ADAMTS6: variants seen among roughly 807,000 people sequenced by gnomAD.
ADAMTS6 encodes the protein A disintegrin and metalloproteinase with thrombospondin motifs 6.
ADAMTS6 carries 23 observed loss-of-function variants against 144.3 expected under a neutral mutation model. The ratio of observed to expected loss-of-function variants is 0.16; its 90% CI spans 0.11 to 0.23. ADAMTS6 has a LOEUF of 0.23. Ranked by LOEUF, ADAMTS6 falls within the 10% of genes least tolerant of loss-of-function variation. The probability of loss-of-function intolerance (pLI) is 1.00; values close to 1 mark genes in which losing one functional copy is unlikely to be tolerated. For missense variants in ADAMTS6, 999 were observed against 1,379.6 expected, an observed-to-expected ratio of 0.72 and a Z score of 4.37; for synonymous variants, 444 against 457.5, an observed-to-expected ratio of 0.97 and a Z score of 0.38.
At chr5:65,430,295 C>A (rs191329002) in intron 7 of ADAMTS6, among the ~76,000 whole-genome samples, 2 of 152,130 alleles carry the variant, frequency 1.3e-5, no homozygotes, top group East Asian at 3.9e-4. Flanking sequence ...GACAACTGCT[C>A]TCTCTCCCAG....
chr5:65,162,917 G>A (rs190122489), intron 24 of ADAMTS6, among the ~76,000 whole-genome samples: 7 of 152,096 alleles, frequency 4.6e-5, no homozygotes, highest in Non-Finnish European at 8.8e-5. Flanking sequence ...TTGTTTTGGG[G>A]GGGTTTTTCT....
chr5:65,292,080 A>G (rs1742370131), intron 10 of ADAMTS6, among the ~76,000 whole-genome samples: 1 of 152,158 alleles, frequency 6.6e-6, no homozygotes. Flanking sequence ...GAATTGGAAA[A>G]GAGAATGTTC....
rs1752091834 is a variant in ADAMTS6 at position 65,150,439 on chromosome 5, G to A, written c.*1397C>T. On this transcript the variant is annotated 3_prime_UTR_variant, in exon 25 of 25. Transcript: ENST00000381055. ...AAACTTGAAGATGGGGAAAATACGA[G>A]CTAGTCATTTTAATTTAGGTGGATG... is the stretch of plus-strand genomic sequence containing the variant. 1 of 152,578 alleles carries A rather than the reference G, an allele frequency of 6.6e-6. No individual in the cohort carries two copies. The highest frequency in any genetic ancestry group is 1.5e-5 in the Non-Finnish European group (1 of 68,038). 9.5% of individuals were successfully genotyped at this position (152,578 alleles called of 1,614,324 possible).
At chr5:65,300,853 G>A (rs1196131895) in intron 9 of ADAMTS6, among the ~76,000 whole-genome samples, 3 of 151,924 alleles carry the variant, frequency 2.0e-5, no homozygotes, top group African/African-American at 4.8e-5. Flanking sequence ...GGATGGTCTC[G>A]ATCTCCTGAC....
chr5:65,286,982 T>TA (rs1741731984), intron 11 of ADAMTS6, among the ~76,000 whole-genome samples: 1 of 152,192 alleles, frequency 6.6e-6, no homozygotes, highest in South Asian at 2.1e-4. Flanking sequence ...CTTATTACTC[T>TA]AAAAAGCCAA....
chr5:65,365,108 C>T (rs74619653), intron 7 of ADAMTS6, among the ~76,000 whole-genome samples: 2,472 of 152,130 alleles, frequency 0.016, 35 homozygotes, highest in East Asian at 0.083. Context: ...ATGTCATCCA[C>T]GGTAAACAGT....
intron 12 of ADAMTS6, among the ~76,000 whole-genome samples, chr5:65,271,315 G>T (rs1232473558): frequency 6.7e-6 from 1 of 148,640 alleles, no homozygotes; most frequent in Non-Finnish European, 1.5e-5. Flanking sequence ...GGAGGTGAAG[G>T]TTGCAGTGAG....
intron 7 of ADAMTS6, among the ~76,000 whole-genome samples, chr5:65,444,938 C>A (rs7705423): frequency 0.61 from 91,989 of 152,034 alleles, 29,671 homozygotes; most frequent in African/African-American, 0.84. Context: ...AAACAGCAGT[C>A]CTTATCTCAT....
intron 20 of ADAMTS6, among the ~76,000 whole-genome samples, chr5:65,209,614 A>C (rs1335207104): frequency 6.6e-6 from 1 of 152,224 alleles, no homozygotes; most frequent in Non-Finnish European, 1.5e-5. Context: ...CTTATCTTAA[A>C]AGATCTCATA....
intron 9 of ADAMTS6, among the ~76,000 whole-genome samples, chr5:65,301,330 A>G (rs1743352045): frequency 6.6e-6 from 1 of 152,240 alleles, no homozygotes; most frequent in South Asian, 2.1e-4. Flanking sequence ...TGTGTCTGTT[A>G]CGACATATAT....
At position 65,400,255 on chromosome 5, in the gene ADAMTS6, TAC is replaced by T. The variant is rs766526818; in HGVS notation, c.1073+51218_1073+51219del. On this transcript the variant is annotated intron_variant, in intron 7 of 24. Transcript: ENST00000381055. ...TCTCACTCTGTGGTCCTGGCTGGCGTACAGTGTCATGATCATAGCTCACTGCA... is the reference window on the plus strand; with the variant it reads ...TCTCACTCTGTGGTCCTGGCTGGCGTAGTGTCATGATCATAGCTCACTGCA... Among the ~76,000 whole-genome samples the T allele has an allele frequency of 2.8e-4, 42 of 152,288 alleles. No individual in the cohort carries two copies. The East Asian group carries it at 4.2e-3, about 15-fold the overall frequency.
At chr5:65,310,086 G>A (rs1405040719) in intron 9 of ADAMTS6, among the ~76,000 whole-genome samples, 1 of 151,744 alleles carries the variant, frequency 6.6e-6, no homozygotes. Context: ...TGTGAGATCT[G>A]GTCTTTTAAA....
chr5:65,332,847 C>T (rs1290607557), intron 8 of ADAMTS6, among the ~76,000 whole-genome samples: 1 of 152,110 alleles, frequency 6.6e-6, no homozygotes, highest in Non-Finnish European at 1.5e-5. Context: ...GCAAAGAGAG[C>T]TCTGTCTCCA....
rs375414597 is a variant in ADAMTS6 at position 65,419,328 on chromosome 5, T to C, written c.1073+32147A>G. Among the ~76,000 whole-genome samples, 9 of 152,162 alleles carry C rather than the reference T, an allele frequency of 5.9e-5. No individual in the cohort carries two copies. In the East Asian group the frequency reaches 1.3e-3, roughly 23 times the overall value. ...ACTAAACACCACATGTTCTCACTTA[T>C]AGGTGGGAGCTAAATATTGGGTATT... On this transcript the variant is annotated intron_variant, in intron 7 of 24. Coordinates refer to ENST00000381055, the MANE Select transcript of ADAMTS6 (RefSeq NM_197941.4).
At chr5:65,348,980 A>T (rs1047450676) in intron 7 of ADAMTS6, among the ~76,000 whole-genome samples, 15 of 152,170 alleles carry the variant, frequency 9.9e-5, no homozygotes, top group African/African-American at 3.1e-4. Flanking sequence ...TACTACATCT[A>T]AAATTTTTTC....
chr5:65,264,634 A>T (rs1761465220), intron 12 of ADAMTS6, among the ~76,000 whole-genome samples: 1 of 152,116 alleles, frequency 6.6e-6, no homozygotes. Context: ...CTTCTTTGTA[A>T]TGTAAAAGCC....
At chr5:65,353,216 G>T (rs1191215719) in intron 7 of ADAMTS6, among the ~76,000 whole-genome samples, 1 of 151,958 alleles carries the variant, frequency 6.6e-6, no homozygotes, top group Non-Finnish European at 1.5e-5. Flanking sequence ...ATATGTTAAT[G>T]GTTCCCCCAT....
chr5:65,453,572 A>G (rs1450705015), intron 4 of ADAMTS6, among the ~76,000 whole-genome samples: 1 of 152,218 alleles, frequency 6.6e-6, no homozygotes, highest in Non-Finnish European at 1.5e-5. Flanking sequence ...CGATTCCAGC[A>G]TAATTTGCTT....
chr5:65,292,866 G>GA (rs1265042460), intron 10 of ADAMTS6, among the ~76,000 whole-genome samples: 6 of 151,942 alleles, frequency 3.9e-5, no homozygotes, highest in African/African-American at 1.4e-4. Flanking sequence ...AACTAACAAA[G>GA]AACAAACTTT....
Sources: allele counts gnomAD v4.1 joint callset (sites outside exome capture counted in the v4.1 genomes callset), GRCh38; gene constraint gnomAD v4.1.1; transcripts MANE v1.5; gene names NCBI Gene and HGNC (gene_info 2026-07-23, HGNC 2026-07-21).